The following SYNCRIP variants were observed in gnomAD, a reference collection of about 807,000 sequenced individuals.
SYNCRIP encodes the protein synaptotagmin binding cytoplasmic RNA interacting protein, also known as heterogeneous nuclear ribonucleoprotein Q.
In SYNCRIP, 9 loss-of-function variants were observed where a neutral mutation model predicts 68.9. The ratio of observed to expected loss-of-function variants is 0.13; its 90% confidence interval spans 0.08 to 0.23. The LOEUF is 0.23. Among genes scored for constraint, SYNCRIP ranks in the 10% least tolerant of loss-of-function variants. The pLI, the probability that SYNCRIP is intolerant of heterozygous loss-of-function variation, is 1.00. For synonymous variants in SYNCRIP, 258 were observed against 254.0 expected, an observed-to-expected ratio of 1.02 and a Z score of -0.15; for missense variants, 414 against 770.6, an observed-to-expected ratio of 0.54 and a Z score of 5.48.
downstream of SYNCRIP, chr6:85,612,883 C>A: frequency 6.4e-7 from 1 of 1,550,754 alleles, no homozygotes. Context: ...AGTCAGTCTT[C>A]ATTGTAACAG....
At chr6:85,630,662 A>C (rs2128293885) in intron 6 of SYNCRIP, among the ~76,000 whole-genome samples, 1 of 152,338 alleles carries the variant, frequency 6.6e-6, no homozygotes, top group South Asian at 2.1e-4. Context: ...ACAGGGCAGT[A>C]AGTAGCACAG....
At chr6:85,637,864 C>A (rs758194413) in intron 4 of SYNCRIP, among the ~76,000 whole-genome samples, 1 of 152,132 alleles carries the variant, frequency 6.6e-6, no homozygotes, top group Middle Eastern at 3.2e-3. Context: ...GAAAAAAAAT[C>A]TCCTATTATT....
intron 8 of SYNCRIP, among the ~76,000 whole-genome samples, chr6:85,619,684 C>T (rs1189370248): frequency 6.6e-5 from 10 of 152,126 alleles, no homozygotes; most frequent in Admixed American, 3.9e-4. Context: ...ATCTGTCATT[C>T]GGAAACCGCA....
intron 6 of SYNCRIP, among the ~76,000 whole-genome samples, chr6:85,628,143 C>T (rs376744999): frequency 1.3e-5 from 2 of 152,184 alleles, no homozygotes; most frequent in Non-Finnish European, 2.9e-5. Flanking sequence ...GCAACCTCCA[C>T]CTCCCGGTTT....
At chr6:85,632,979 G>A (rs1035135169) in intron 6 of SYNCRIP, among the ~76,000 whole-genome samples, 10 of 151,904 alleles carry the variant, frequency 6.6e-5, no homozygotes, top group Admixed American at 2.6e-4. Context: ...AAGGCCGGGC[G>A]CGGTGGCTCA....
chr6:85,609,107 T>C (rs1187282354), downstream of SYNCRIP: 10 of 151,960 alleles, frequency 6.6e-5, no homozygotes, highest in African/African-American at 2.4e-4. Context: ...CACCAGTGAA[T>C]TCCTATGGCC....
At chr6:85,609,475 T>G (rs1327283533), downstream of SYNCRIP, 1 of 151,926 alleles carries the variant, frequency 6.6e-6, no homozygotes, top group Non-Finnish European at 1.5e-5. Flanking sequence ...AACTTTACAT[T>G]TTAAGTCAGA....
At chr6:85,629,283 C>T (rs1263250374) in intron 6 of SYNCRIP, among the ~76,000 whole-genome samples, 1 of 152,170 alleles carries the variant, frequency 6.6e-6, no homozygotes, top group Non-Finnish European at 1.5e-5. Context: ...ACGCTTTGCA[C>T]CACTGGATTC....
At chr6:85,616,047 C>T (rs911644166) in intron 10 of SYNCRIP, among the ~76,000 whole-genome samples, 2 of 152,092 alleles carry the variant, frequency 1.3e-5, no homozygotes, top group South Asian at 2.1e-4. Context: ...TAAACTACAC[C>T]GTAACTATAG....
At chr6:85,633,533 G>A (rs1356337272) in intron 6 of SYNCRIP, among the ~76,000 whole-genome samples, 1 of 152,076 alleles carries the variant, frequency 6.6e-6, no homozygotes, top group Non-Finnish European at 1.5e-5. Context: ...AGAGGTTGCA[G>A]TGAGTTGAGA....
intron 6 of SYNCRIP, 57 bp downstream of exon 6, chr6:85,636,910 A>C (rs1808526198): frequency 1.3e-6 from 2 of 1,510,562 alleles, no homozygotes; most frequent in Non-Finnish European, 1.8e-6. Flanking sequence ...CTAAGAAAAA[A>C]ACTTGATATT....
intron 10 of SYNCRIP, among the ~76,000 whole-genome samples, chr6:85,617,346 G>T (rs1280355387): frequency 6.6e-6 from 1 of 152,086 alleles, no homozygotes; most frequent in Admixed American, 6.5e-5. Context: ...AGTACCAAAT[G>T]TAACTGCTCT....
chr6:85,610,601 C>A (rs561375877), downstream of SYNCRIP: 1 of 152,134 alleles, frequency 6.6e-6, no homozygotes, highest in East Asian at 1.9e-4. Flanking sequence ...ACAAACCTGT[C>A]CTAAAATCCC....
downstream of SYNCRIP, chr6:85,610,811 A>C (rs1307967273): frequency 6.6e-6 from 1 of 152,000 alleles, no homozygotes; most frequent in African/African-American, 2.4e-5. Context: ...TCCACAACCT[A>C]TTATATTCAT....
chr6:85,641,382 C>A lies in SYNCRIP; in HGVS notation c.58G>T (p.Ala20Ser). 6.2e-7 allele frequency: 1 copy of A among 1,612,972 alleles called. No homozygotes were observed. The highest frequency in any genetic ancestry group is 8.5e-7 in the Non-Finnish European group (1 of 1,179,530). Residue 20 changes from alanine (A) to serine (S), a missense_variant, in exon 2 of 11, where the codon GCA becomes TCA. By Grantham distance (99) the Ala-to-Ser change is moderately conservative. Coordinates refer to ENST00000369622, the MANE Select transcript of SYNCRIP (RefSeq NM_006372.5). ...GTEEPMDTTS[A>S]VIHSENFQTL... is the part of the protein sequence containing the mutation. ...TGAAAATTTTCTGAATGGATAACTG[C>A]AGAAGTAGTATCCATGGGCTCTTCA...
chr6:85,635,240 T>C (rs1012084112), intron 6 of SYNCRIP, among the ~76,000 whole-genome samples: 6 of 152,080 alleles, frequency 3.9e-5, no homozygotes, highest in African/African-American at 9.7e-5. Flanking sequence ...TCCCCTCAAA[T>C]TGAACTGCTG....
chr6:85,637,306 C>T lies in SYNCRIP; in HGVS notation c.426G>A (p.Arg142=), dbSNP rs1044470523. Residue 142 remains arginine (R), a synonymous_variant, in exon 5 of 11, where the codon AGG becomes AGA. Transcript: ENST00000369622. ...GYTLDVTTGQ[R]KYGGPPPDSV... The stretch of plus-strand genomic sequence containing the variant: ...AATCTGGAGGTGGTCCTCCATACTT[C>T]CTCTGTCCAGTGGTCACATCAAGTG... 10 of 1,614,022 alleles carry T rather than the reference C, an allele frequency of 6.2e-6. No homozygotes were observed. The African/African-American group carries it at 1.1e-4, about 17-fold the overall frequency.
intron 6 of SYNCRIP, among the ~76,000 whole-genome samples, chr6:85,630,921 T>C (rs1259541229): frequency 6.6e-6 from 1 of 152,204 alleles, no homozygotes; most frequent in African/African-American, 2.4e-5. Context: ...CTTAGAATAC[T>C]GTCATGGGGG....
intron 6 of SYNCRIP, among the ~76,000 whole-genome samples, chr6:85,635,496 G>A (rs1486571082): frequency 6.6e-6 from 1 of 152,096 alleles, no homozygotes; most frequent in Non-Finnish European, 1.5e-5. Flanking sequence ...TTGGCCGGGT[G>A]CAGTGGCACA....
Sources: allele counts gnomAD v4.1 joint callset (sites outside exome capture counted in the v4.1 genomes callset), GRCh38; gene constraint gnomAD v4.1.1; transcripts MANE v1.5; gene names NCBI Gene and HGNC (gene_info 2026-07-23, HGNC 2026-07-21).